The following TECPR1 variants were observed in gnomAD, a reference collection of about 807,000 sequenced individuals.
TECPR1 encodes the protein tectonin beta-propeller repeat-containing protein 1.
Under a neutral mutation model 162.4 loss-of-function variants are expected in TECPR1, and 122 were observed. The ratio of observed to expected loss-of-function variants is 0.75; its 90% CI spans 0.65 to 0.87. The LOEUF (loss-of-function observed/expected upper bound fraction) is 0.87, where lower values mean the gene tolerates loss of function less well. TECPR1 is among the 40% of genes least tolerant of loss of function. The pLI, the probability that TECPR1 is intolerant of heterozygous loss-of-function variation, is 0.00. For missense variants in TECPR1, 1,432 were observed against 1,618.2 expected, an observed-to-expected ratio of 0.88 and a Z score of 1.97; for synonymous variants, 642 against 670.6, an observed-to-expected ratio of 0.96 and a Z score of 0.66.
chr7:98,237,573 A>G (rs575932600), intron 9 of TECPR1, among the ~76,000 whole-genome samples: 141 of 151,900 alleles, frequency 9.3e-4, no homozygotes, highest in African/African-American at 3.3e-3. Flanking sequence ...GCTTCAACCG[A>G]TTCTCCTGCC....
intron 23 of TECPR1, among the ~76,000 whole-genome samples, chr7:98,218,456 A>G (rs936825512): frequency 2.0e-5 from 3 of 152,222 alleles, no homozygotes; most frequent in African/African-American, 7.2e-5. Context: ...TGATAGGATC[A>G]AATACCTAGA....
chr7:98,244,994 C>A lies in TECPR1; in HGVS notation c.299G>T (p.Gly100Val). ...CCTGTCCAGCGGCCGGTGCTGGAGC[C>A]CACTCACGTCACTCCACCCCCAGCG... ...SDRWGWSDVS[G>V]LQHRPLDRVA... is the part of the protein sequence containing the mutation. Residue 100 changes from glycine (G) to valine (V), a missense_variant, in exon 4 of 26, where the codon GGG (glycine) becomes GTG (valine). Gly to Val is a moderately radical substitution (Grantham distance 109). Coordinates refer to ENST00000447648, the MANE Select transcript of TECPR1 (RefSeq NM_015395.3). The A allele has an allele frequency of 6.2e-7, 1 of 1,611,614 alleles. No homozygotes were observed. The highest frequency in any genetic ancestry group is 8.5e-7 in the Non-Finnish European group (1 of 1,179,352).
At chr7:98,229,351 C>T (rs1798362719) in intron 15 of TECPR1, among the ~76,000 whole-genome samples, 185 bp from the exon 16 acceptor site, 1 of 152,218 alleles carries the variant, frequency 6.6e-6, no homozygotes. Context: ...AAGACTCAGC[C>T]CACGAGAGGT....
At position 98,231,239 on chromosome 7, in the gene TECPR1, C is replaced by G; in HGVS notation, c.2109G>C (p.Gln703His). The G allele has an allele frequency of 6.2e-7, 1 of 1,612,856 alleles. No homozygotes were observed. Among genetic ancestry groups the G allele is most frequent in the Non-Finnish European group, 8.5e-7 (1 of 1,179,782 alleles). ...WPVRLAAATEQDMNDWLALLS... is the reference protein window; with the variant it reads ...WPVRLAAATEHDMNDWLALLS... ...GACCACTCACCCAGTCATTCATGTC[C>G]TGCTCGGTGGCAGCAGCCAGACGCA... is the stretch of plus-strand genomic sequence containing the variant. The change falls in exon 14 of 26, where the codon CAG (glutamine) becomes CAC (histidine). Residue 703 changes from glutamine (Q) to histidine (H), a missense_variant. Coordinates refer to ENST00000447648, the MANE Select transcript of TECPR1 (RefSeq NM_015395.3).
Position 98,245,177 on chromosome 7 carries a change from T to C in TECPR1, c.226-110A>G, listed in dbSNP as rs911215032. 6 of 1,222,618 alleles carry C rather than the reference T, an allele frequency of 4.9e-6. No homozygotes were observed. The Admixed American group carries it at 8.3e-5, about 17-fold the overall frequency. 75.7% of individuals were successfully genotyped at this position (1,222,618 alleles called of 1,614,324 possible). A position where few individuals can be genotyped will look rare whatever the true frequency, so the allele number is the denominator to read the frequency against. On this transcript the variant is annotated intron_variant, in intron 3 of 25. Transcript: ENST00000447648. ...TGACCCTGCCCAGCCGACCCCCTCA[T>C]TGATCTCCAGAATAGGAAGTGAGCA... is the stretch of plus-strand genomic sequence containing the variant.
intron 16 of TECPR1, chr7:98,228,600 C>T (rs1798339063): frequency 4.7e-6 from 1 of 211,960 alleles, no homozygotes; most frequent in Admixed American, 5.1e-5. Flanking sequence ...CAGGGGACCA[C>T]AGTTCTCTGG....
Position 98,245,454 on chromosome 7 carries a change from T to C in TECPR1, c.226-387A>G, listed in dbSNP as rs116840208. Among the ~76,000 whole-genome samples, 1,080 of 152,218 alleles carry C rather than the reference T, an allele frequency of 7.1e-3. 9 individuals are homozygous for C. The highest frequency in any genetic ancestry group is 0.024 in the African/African-American group (1,015 of 41,556). The stretch of plus-strand genomic sequence containing the variant: ...TCAGCCTCAAAGACCCTGGATACTA[T>C]GCAACTTGAATTTTTTTTGGAGGGG... On this transcript the variant is annotated intron_variant, in intron 3 of 25. Transcript: ENST00000447648.
chr7:98,233,331 C>G, intron 11 of TECPR1, 90 bp downstream of exon 11: 1 of 1,371,468 alleles, frequency 7.3e-7, no homozygotes, highest in Non-Finnish European at 9.4e-7. Flanking sequence ...CAGGCCTGCC[C>G]GAGCCCCCTG....
In TECPR1 at chr7:98,232,963, G is replaced by C. The variant is rs772875967; in HGVS notation, c.1682C>G (p.Ser561Cys). 1.2e-6 allele frequency: 2 copies of C among 1,611,230 alleles called. No homozygotes were observed. The highest frequency in any genetic ancestry group is 1.7e-6 in the Non-Finnish European group (2 of 1,179,306). The change falls in exon 12 of 26, where the codon TCC (serine) becomes TGC (cysteine). Residue 561 changes from serine to cysteine, a missense_variant. Coordinates refer to ENST00000447648, the MANE Select transcript of TECPR1 (RefSeq NM_015395.3). This position sits in a 1 kb window ranked among gnomAD's most constrained non-coding sequence, Gnocchi z 4.6. The stretch of plus-strand genomic sequence containing the variant: ...GGACAGGGACAGCATGTGTACCGAG[G>C]AGGACAGGCCTGTGGGGCAGAGAGA... ...RWFTVQAGLSSSVHMLSLSIT... is the reference protein window; with the variant it reads ...RWFTVQAGLSCSVHMLSLSIT...
At position 98,241,019 on chromosome 7, in the gene TECPR1, C is replaced by A; in HGVS notation, c.832+51G>T. On this transcript the variant is annotated intron_variant, in intron 7 of 25. Transcript: ENST00000447648. The surrounding 1 kb of genome is among the most constrained non-coding windows in gnomAD (Gnocchi z 5.0). The stretch of plus-strand genomic sequence containing the variant: ...GGACAGCTGGGGAGCGAGTGACCCT[C>A]ACCCTTCTCCCCAGTACAGGGTATG... 1 of 1,586,602 alleles carries A rather than the reference C, an allele frequency of 6.3e-7. No individual in the cohort carries two copies. The highest frequency in any genetic ancestry group is 1.1e-5 in the South Asian group (1 of 87,312).
In TECPR1 at chr7:98,233,454, A is replaced by T. The variant is rs558307383; in HGVS notation, c.1639T>A (p.Cys547Ser). Residue 547 changes from cysteine to serine, a missense_variant, in exon 11 of 26, where the codon TGT becomes AGT. Cys to Ser is a moderately radical substitution (Grantham distance 112). Transcript: ENST00000447648. ...ACAGTGAACCATCTGGGCATGGCAC[A>T]TGCCTCCACCACGCAGCCGCCTCCC... ...VSGGGCVVEA[C>S]AMPRWFTVQA... 1.4e-6 allele frequency: 2 copies of T among 1,472,568 alleles called. No homozygotes were observed. The highest frequency in any genetic ancestry group is 4.9e-5 in the East Asian group (2 of 40,918). The allele number at this position is 1,472,568 out of a possible 1,614,324, so 91.2% of individuals were successfully genotyped here. A position where few individuals can be genotyped will look rare whatever the true frequency, so the allele number is the denominator to read the frequency against.
chr7:98,251,493 T>A lies in TECPR1; in HGVS notation c.-119A>T, dbSNP rs1799061977. 6.6e-6 allele frequency: 1 copy of A among 152,286 alleles called. No individual in the cohort carries two copies. Among genetic ancestry groups the A allele is most frequent in the South Asian group, 2.1e-4 (1 of 4,836 alleles). The allele number at this position is 152,286 out of a possible 1,614,324, so 9.4% of individuals were successfully genotyped here. A position where few individuals can be genotyped will look rare whatever the true frequency, so the allele number is the denominator to read the frequency against. ...TATGCAAACAGTCGGCAATGCCTAC[T>A]ACAGTAGCTCGCTGGCTGCCAGGTG... is the stretch of plus-strand genomic sequence containing the variant. On this transcript the variant is annotated 5_prime_UTR_variant, in exon 2 of 26. Coordinates refer to ENST00000447648, the MANE Select transcript of TECPR1 (RefSeq NM_015395.3).
At chr7:98,251,747 C>T (rs977262875) in intron 1 of TECPR1, 199 bp from the exon 2 acceptor site, 2 of 152,290 alleles carry the variant, frequency 1.3e-5, no homozygotes, top group African/African-American at 4.8e-5. Flanking sequence ...TGACCATCTG[C>T]CAAAGCTAAT....
At chr7:98,224,113 G>A (rs1042817393) in intron 19 of TECPR1, among the ~76,000 whole-genome samples, 4 of 152,170 alleles carry the variant, frequency 2.6e-5, no homozygotes, top group African/African-American at 4.8e-5. Context: ...AAGAGCCCTC[G>A]GTCAGGATGA....
chr7:98,245,230 G>C lies in TECPR1; in HGVS notation c.226-163C>G, dbSNP rs566901869. 3.3e-3 allele frequency: 2,382 copies of C among 732,316 alleles called. 10 individuals are homozygous for C. The highest frequency in any genetic ancestry group is 3.8e-3 in the Non-Finnish European group (1,718 of 451,240). The allele number at this position is 732,316 out of a possible 1,614,324, so 45.4% of individuals were successfully genotyped here. Reference sequence around the variant, plus strand: ...GGGCCTGTGTGGGACCCAGCAACTGGGGACCCCCATGCCACTTCATCATGA... The same window carrying C: ...GGGCCTGTGTGGGACCCAGCAACTGCGGACCCCCATGCCACTTCATCATGA... On this transcript the variant is annotated intron_variant, in intron 3 of 25. Coordinates refer to ENST00000447648, the MANE Select transcript of TECPR1 (RefSeq NM_015395.3).
At position 98,231,392 on chromosome 7, in the gene TECPR1, C is replaced by A; in HGVS notation, c.1975-19G>T. 1 of 1,576,872 alleles carries A rather than the reference C, an allele frequency of 6.3e-7. No homozygotes were observed. ...GGATGTACTGTTCACAGAACAGGCGCCCGGCAGGGCTGTCACCCAGGGCAG... is the reference window on the plus strand; with the variant it reads ...GGATGTACTGTTCACAGAACAGGCGACCGGCAGGGCTGTCACCCAGGGCAG... On this transcript the variant is annotated intron_variant, in intron 13 of 25. Coordinates refer to ENST00000447648, the MANE Select transcript of TECPR1 (RefSeq NM_015395.3).
intron 11 of TECPR1, chr7:98,233,211 C>T (rs1211914292): frequency 2.5e-6 from 2 of 803,604 alleles, no homozygotes; most frequent in Admixed American, 6.8e-5. Context: ...GGGGCACTGG[C>T]CACCGTGCTT....
At position 98,228,068 on chromosome 7, in the gene TECPR1, C is replaced by A; in HGVS notation, c.2459G>T (p.Cys820Phe). Residue 820 changes from cysteine to phenylalanine, a missense_variant, in exon 17 of 26, where the codon TGT (cysteine) becomes TTT (phenylalanine). By Grantham distance (205) the Cys-to-Phe change is radical (BLOSUM62 -2). Transcript: ENST00000447648. ...GCGCTGGTTCTCATAGATGTGAACA[C>A]ACTTCACGTCTGACTGCGTGTAGAT... ...SNIYTQSDVK[C>F]VHIYENQRWN... is the part of the protein sequence containing the mutation. 6.2e-7 allele frequency: 1 copy of A among 1,613,050 alleles called. No individual in the cohort carries two copies. Among genetic ancestry groups the A allele is most frequent in the Non-Finnish European group, 8.5e-7 (1 of 1,179,632 alleles).
intron 2 of TECPR1, 107 bp from the exon 3 acceptor site, chr7:98,246,272 T>C (rs981208315): frequency 8.9e-5 from 36 of 404,580 alleles, no homozygotes; most frequent in Middle Eastern, 8.1e-4. Flanking sequence ...CTTTTTCTCT[T>C]TTTTTTTTTT....
Sources: gnomAD v4.1 joint callset for allele counts (sites outside exome capture counted in the v4.1 genomes callset) on GRCh38, gnomAD v4.1.1 for gene constraint, Gnocchi (gnomAD v3.1) non-coding constraint, MANE v1.5 for transcripts, NCBI Gene and HGNC (gene_info 2026-07-23, HGNC 2026-07-21) for gene names.